NUFIP2: variants seen among roughly 807,000 people sequenced by gnomAD.
NUFIP2 encodes FMR1-interacting protein NUFIP2.
In NUFIP2, 6 loss-of-function variants were observed where a neutral mutation model predicts 56.9. The observed-to-expected ratio is 0.11, with a 90% CI of 0.06 to 0.21. NUFIP2 has a LOEUF of 0.21. NUFIP2 is among the 10% of genes least tolerant of loss of function. The pLI is 1.00. For missense variants in NUFIP2, 828 were observed against 826.8 expected (o/e 1.00, Z -0.02); for synonymous variants, 321 against 298.2 (o/e 1.08, Z -0.79).
At chr17:29,279,486 G>A (rs1356152201) in intron 2 of NUFIP2, among the ~76,000 whole-genome samples, 1 of 152,108 alleles carries the variant, frequency 6.6e-6, no homozygotes, top group African/African-American at 2.4e-5. Context: ...CCAAATTGGT[G>A]CCATATTAAT....
chr17:29,277,749 A>G (rs1316556185), intron 2 of NUFIP2, among the ~76,000 whole-genome samples: 3 of 152,150 alleles, frequency 2.0e-5, no homozygotes, highest in African/African-American at 7.2e-5. Context: ...GCGGTGGCTT[A>G]TGGTTGTAAT....
At chr17:29,271,488 G>C (rs1043398501) in intron 2 of NUFIP2, among the ~76,000 whole-genome samples, 4 of 151,298 alleles carry the variant, frequency 2.6e-5, no homozygotes, top group Non-Finnish European at 4.4e-5. Flanking sequence ...AGTGAGCCGA[G>C]ATCGTGCCAC....
rs1204097368 is a variant in NUFIP2 at position 29,264,126 on chromosome 17, A to C, written c.*413T>G. 6.6e-6 allele frequency: 1 copy of C among 152,650 alleles called. No individual in the cohort carries two copies. Among genetic ancestry groups the C allele is most frequent in the Non-Finnish European group, 1.5e-5 (1 of 68,076 alleles). 9.5% of individuals were successfully genotyped at this position (152,650 alleles called of 1,614,324 possible). ...TCACTTCAGTCACAGAACAAGATACAGAGATCTTTTAAGTGGATTTGCCTT... is the reference window on the plus strand; with the variant it reads ...TCACTTCAGTCACAGAACAAGATACCGAGATCTTTTAAGTGGATTTGCCTT... On this transcript the variant is annotated 3_prime_UTR_variant, in exon 4 of 4. Coordinates refer to ENST00000225388, the MANE Select transcript of NUFIP2 (RefSeq NM_020772.3).
chr17:29,265,108 T>C (rs1314996887), intron 3 of NUFIP2, among the ~76,000 whole-genome samples: 1 of 152,086 alleles, frequency 6.6e-6, no homozygotes, highest in African/African-American at 2.4e-5. Context: ...CAAGACTGAC[T>C]CAACTTCCCA....
At chr17:29,288,603 G>A (rs1337343845) in intron 1 of NUFIP2, among the ~76,000 whole-genome samples, 2 of 152,044 alleles carry the variant, frequency 1.3e-5, no homozygotes, top group Non-Finnish European at 2.9e-5. Context: ...AAATATCTAC[G>A]TACCAATGTT....
In NUFIP2 at chr17:29,287,474, C is replaced by G; in HGVS notation, c.520G>C (p.Glu174Gln). The stretch of plus-strand genomic sequence containing the variant: ...TCAGACTTATCTACAGACTGATTCT[C>G]TCCAGATTTATTTTCATAAGACTTC... ...NGKSYENKSG[E>Q]NQSVDKSDTI... Residue 174 changes from glutamate to glutamine, a missense_variant, in exon 2 of 4, where the codon GAG (glutamate) becomes CAG (glutamine). Around this residue, in one of 3 missense-constraint regions of NUFIP2, gnomAD observed 415 missense variants for 408.7 expected, o/e 1.02. Coordinates refer to ENST00000225388, the MANE Select transcript of NUFIP2 (RefSeq NM_020772.3). 2 of 1,614,026 alleles carry G rather than the reference C, an allele frequency of 1.2e-6. No homozygotes were observed. The highest frequency in any genetic ancestry group is 1.7e-6 in the Non-Finnish European group (2 of 1,179,958).
In NUFIP2 at chr17:29,261,866, C is replaced by G. The variant is rs897120238; in HGVS notation, c.*2673G>C. ...AACAGACATTCCTAACTACATACCT[C>G]TAACCATATAATCAAGGAAATTTCA... On this transcript the variant is annotated 3_prime_UTR_variant, in exon 4 of 4. Transcript: ENST00000225388. 1.3e-5 allele frequency: 2 copies of G among 152,540 alleles called. No individual in the cohort carries two copies. The highest frequency in any genetic ancestry group is 4.8e-5 in the African/African-American group (2 of 41,426). 9.4% of individuals were successfully genotyped at this position (152,540 alleles called of 1,614,324 possible).
In NUFIP2 at chr17:29,287,726, G is replaced by C; in HGVS notation, c.278-10C>G. The C allele has an allele frequency of 6.5e-7, 1 of 1,550,196 alleles. No homozygotes were observed. Among genetic ancestry groups the C allele is most frequent in the South Asian group, 1.2e-5 (1 of 82,920 alleles). On this transcript the variant is annotated splice_polypyrimidine_tract_variant and intron_variant, in intron 1 of 3. Transcript: ENST00000225388. Reference sequence around the variant, plus strand: ...TTTAGTTCACCATAGCCTAGGGGAGGGGAAAAAAAGGATTAAAAAAAAAAA... The same window carrying C: ...TTTAGTTCACCATAGCCTAGGGGAGCGGAAAAAAAGGATTAAAAAAAAAAA...
Position 29,286,417 on chromosome 17 carries a change from G to A in NUFIP2, c.1577C>T (p.Ser526Leu), listed in dbSNP as rs1331290238. 6.2e-7 allele frequency: 1 copy of A among 1,613,956 alleles called. No individual in the cohort carries two copies. The highest frequency in any genetic ancestry group is 1.3e-5 in the African/African-American group (1 of 74,898). Reference sequence around the variant, plus strand: ...CACCTCCATCACTTTATGCTCTGATGACTTCCCAGTAACAGTCTCAGGGCC... The same window carrying A: ...CACCTCCATCACTTTATGCTCTGATAACTTCCCAGTAACAGTCTCAGGGCC... The part of the protein sequence containing the change: ...SAGPETVTGK[S>L]SEHKVMEVTF... The change falls in exon 2 of 4, where the codon TCA becomes TTA. Residue 526 changes from serine to leucine, a missense_variant. Coordinates refer to ENST00000225388, the MANE Select transcript of NUFIP2 (RefSeq NM_020772.3).
At chr17:29,292,855 C>A (rs1400118338) in intron 1 of NUFIP2, among the ~76,000 whole-genome samples, 25 of 139,834 alleles carry the variant, frequency 1.8e-4, no homozygotes, top group Non-Finnish European at 1.6e-5. Flanking sequence ...CGCGCCGCCA[C>A]CGGGTTACAC....
rs902228407 is a variant in NUFIP2, at chr17:29,286,338, A to C, written c.1656T>G (p.Ile552Met). ...ATLVSQGAEI[I>M]PSGTEHPVFP... Reference sequence around the variant, plus strand: ...ACACAGGATGCTCAGTTCCTGAGGGAATTATTTCAGCACCCTGTGAAACCA... The same window carrying C: ...ACACAGGATGCTCAGTTCCTGAGGGCATTATTTCAGCACCCTGTGAAACCA... The change falls in exon 2 of 4, where the codon ATT (isoleucine) becomes ATG (methionine). Residue 552 changes from isoleucine (I) to methionine (M), a missense_variant. This residue lies in a region of NUFIP2 where 404 missense variants were observed against 380.3 expected (regional missense o/e 1.06). Coordinates refer to ENST00000225388, the MANE Select transcript of NUFIP2 (RefSeq NM_020772.3). 1.2e-6 allele frequency: 2 copies of C among 1,613,970 alleles called. No individual in the cohort carries two copies. Among genetic ancestry groups the C allele is most frequent in the African/African-American group, 2.7e-5 (2 of 74,890 alleles).
intron 1 of NUFIP2, among the ~76,000 whole-genome samples, chr17:29,289,625 A>G (rs1027956157): frequency 4.6e-5 from 7 of 152,248 alleles, no homozygotes; most frequent in Admixed American, 2.0e-4. Context: ...TACACAATAG[A>G]AGGACACTCC....
At position 29,287,341 on chromosome 17, in the gene NUFIP2, T is replaced by C; in HGVS notation, c.653A>G (p.Tyr218Cys). Residue 218 changes from tyrosine (Y) to cysteine (C), a missense_variant, in exon 2 of 4, where the codon TAT becomes TGT. This residue lies in a region of NUFIP2 where 415 missense variants were observed against 408.7 expected (regional missense o/e 1.02). Transcript: ENST00000225388. The stretch of plus-strand genomic sequence containing the variant: ...AGCTTTCCTTTTTTTAGGAGTTGTA[T>C]ATCCGCTCTCAGATCCACTACCATC... ...DNDGSGSESG[Y>C]TTPKKRKARR... is the part of the protein sequence containing the mutation. 6.2e-7 allele frequency: 1 copy of C among 1,614,202 alleles called. No homozygotes were observed. Among genetic ancestry groups the C allele is most frequent in the Non-Finnish European group, 8.5e-7 (1 of 1,180,044 alleles).
At position 29,286,256 on chromosome 17, in the gene NUFIP2, G is replaced by C; in HGVS notation, c.1738C>G (p.Leu580Val). Reference sequence around the variant, plus strand: ...CTCTCACTAGTAGTCCCAGATTTTAGAATGCTACCCAGAACTTGAGGACTA... The same window carrying C: ...CTCTCACTAGTAGTCCCAGATTTTACAATGCTACCCAGAACTTGAGGACTA... Reference protein sequence around the residue: ...RTSPQVLGSILKSGTTSESGA... With the variant: ...RTSPQVLGSIVKSGTTSESGA... Residue 580 changes from leucine to valine, a missense_variant, in exon 2 of 4, where the codon CTA (leucine) becomes GTA (valine). By Grantham distance (32) the Leu-to-Val change is conservative. Transcript: ENST00000225388. 2 of 1,614,176 alleles carry C rather than the reference G, an allele frequency of 1.2e-6. No homozygotes were observed. Among genetic ancestry groups the C allele is most frequent in the Non-Finnish European group, 1.7e-6 (2 of 1,180,044 alleles).
chr17:29,288,201 G>A (rs974719433), intron 1 of NUFIP2, among the ~76,000 whole-genome samples: 62 of 152,250 alleles, frequency 4.1e-4, no homozygotes, highest in Middle Eastern at 6.8e-3. Context: ...CCACCACCAC[G>A]CTCGGCTAAT....
chr17:29,277,467 T>TTTTGGATCAAAA (rs1325751276), intron 2 of NUFIP2, among the ~76,000 whole-genome samples: 1 of 152,160 alleles, frequency 6.6e-6, no homozygotes, highest in Non-Finnish European at 1.5e-5. Context: ...CAATCCCTTA[T>TTTTGGATCAAAA]TAAGCCATTT....
chr17:29,268,242 GA>G (rs1213358159), intron 2 of NUFIP2, among the ~76,000 whole-genome samples: 1 of 152,150 alleles, frequency 6.6e-6, no homozygotes, highest in African/African-American at 2.4e-5. Flanking sequence ...ATTATTACCT[GA>G]AATCAAATTG....
At chr17:29,285,751 AG>A (rs1270664561) in intron 2 of NUFIP2, among the ~76,000 whole-genome samples, 1 of 152,152 alleles carries the variant, frequency 6.6e-6, no homozygotes, top group Non-Finnish European at 1.5e-5. Flanking sequence ...TGAACCAGGT[AG>A]GTCAATTATG....
intron 2 of NUFIP2, among the ~76,000 whole-genome samples, chr17:29,284,074 G>A (rs1365826937): frequency 1.3e-5 from 2 of 152,190 alleles, no homozygotes; most frequent in Non-Finnish European, 2.9e-5. Flanking sequence ...CCCTGAGGCA[G>A]TATTTCTTCC....
Sources: allele counts gnomAD v4.1 joint callset (sites outside exome capture counted in the v4.1 genomes callset), GRCh38; gene constraint gnomAD v4.1.1; regional missense constraint gnomAD v4.1.1; transcripts MANE v1.5; gene names NCBI Gene and HGNC (gene_info 2026-07-23, HGNC 2026-07-21).